The following REPS1 variants were observed in gnomAD, a reference collection of about 807,000 sequenced individuals.
REPS1 encodes RALBP1 associated Eps domain containing 1.
Under a neutral mutation model 100.9 loss-of-function variants are expected in REPS1, and 39 were observed. The ratio of observed to expected loss-of-function variants is 0.39; its 90% CI spans 0.30 to 0.50. The LOEUF is 0.50. Among genes scored for constraint, REPS1 ranks in the 20% least tolerant of loss-of-function variants. The pLI, the probability that REPS1 is intolerant of heterozygous loss-of-function variation, is 0.86. For missense variants in REPS1, 821 were observed against 968.5 expected (o/e 0.85, Z 2.02); for synonymous variants, 324 against 340.3 (o/e 0.95, Z 0.53).
At chr6:138,966,943 T>C (rs1050087773) in intron 1 of REPS1, among the ~76,000 whole-genome samples, 4 of 152,228 alleles carry the variant, frequency 2.6e-5, no homozygotes, top group Admixed American at 6.5e-5. Flanking sequence ...CCACAGGCTA[T>C]GGTTTGAAGT....
rs187476513 is a variant in REPS1 at position 138,949,576 on chromosome 6, G to C, written c.154-1663C>G. On this transcript the variant is annotated intron_variant, in intron 1 of 19. Transcript: ENST00000450536. ...ACCCATGTCTACTAAAAATACAAAA[G>C]TTAGCCAGGTGTGGTGGTGCGCACT... 1.8e-4 allele frequency among the ~76,000 whole-genome samples: 27 copies of C among 152,032 alleles called. No homozygotes were observed. In the East Asian group the frequency reaches 4.1e-3, roughly 23 times the overall value.
intron 7 of REPS1, among the ~76,000 whole-genome samples, chr6:138,942,899 C>T (rs1227028987): frequency 6.6e-6 from 1 of 152,002 alleles, no homozygotes; most frequent in Admixed American, 6.6e-5. Flanking sequence ...GGATTACAGG[C>T]ATGTGCCACC....
At chr6:138,983,845 A>T (rs921428115) in intron 1 of REPS1, among the ~76,000 whole-genome samples, 2 of 152,110 alleles carry the variant, frequency 1.3e-5, no homozygotes, top group Non-Finnish European at 2.9e-5. Flanking sequence ...GGGGTGGACA[A>T]ATCTCCACCC....
intron 8 of REPS1, among the ~76,000 whole-genome samples, chr6:138,936,621 T>TTG (rs1189609939): frequency 1.2e-5 from 1 of 84,688 alleles, no homozygotes; most frequent in Non-Finnish European, 2.3e-5. Flanking sequence ...CAGAGTATGT[T>TTG]TGGGGGGGGG....
intron 15 of REPS1, among the ~76,000 whole-genome samples, chr6:138,914,106 G>A (rs1214340305): frequency 2.0e-5 from 3 of 149,244 alleles, no homozygotes; most frequent in African/African-American, 7.7e-5. Context: ...GTCTCACTCT[G>A]TCATCCAGGC....
At chr6:138,926,880 A>G (rs182083880) in intron 9 of REPS1, 269 of 163,232 alleles carry the variant, frequency 1.6e-3, no homozygotes, top group Middle Eastern at 6.1e-3. Context: ...ATGTTAATGT[A>G]CTGATTTTGT....
In REPS1 at chr6:138,972,442, C is replaced by T. The variant is rs574010444; in HGVS notation, c.153+15088G>A. Among the ~76,000 whole-genome samples, 9 of 152,206 alleles carry T rather than the reference C, an allele frequency of 5.9e-5. No individual in the cohort carries two copies. In the South Asian group the frequency reaches 1.9e-3, roughly 32 times the overall value. On this transcript the variant is annotated intron_variant, in intron 1 of 19. Transcript: ENST00000450536. The stretch of plus-strand genomic sequence containing the variant: ...GTAGAAGCTTTTAAGGCTGATTACG[C>T]ATGACTAATCAGATTTGAAATGCTC...
intron 8 of REPS1, among the ~76,000 whole-genome samples, chr6:138,933,033 C>A (rs1461704383): frequency 6.6e-6 from 1 of 152,178 alleles, no homozygotes; most frequent in Admixed American, 6.5e-5. Context: ...ACTCAATGAA[C>A]TGATATTTTA....
chr6:138,927,801 C>CT (rs772817080), intron 9 of REPS1: 3 of 152,176 alleles, frequency 2.0e-5, no homozygotes, highest in African/African-American at 4.8e-5. Context: ...TTACTTTTAT[C>CT]ATGCGGCATC....
intron 14 of REPS1, 30 bp downstream of exon 14, chr6:138,915,828 T>C: frequency 7.2e-7 from 1 of 1,390,998 alleles, no homozygotes; most frequent in Non-Finnish European, 1.0e-6. Flanking sequence ...AATTAAATGA[T>C]AATGTATATT....
chr6:138,964,246 C>G (rs1427930273), intron 1 of REPS1, among the ~76,000 whole-genome samples: 1 of 151,890 alleles, frequency 6.6e-6, no homozygotes, highest in Non-Finnish European at 1.5e-5. Flanking sequence ...CTCCATTTTA[C>G]TTATCTATAA....
chr6:138,980,878 A>C (rs1023043340), intron 1 of REPS1, among the ~76,000 whole-genome samples: 1 of 152,124 alleles, frequency 6.6e-6, no homozygotes, highest in Non-Finnish European at 1.5e-5. Flanking sequence ...CGACATTGGC[A>C]CAAGTCAGAG....
chr6:138,984,052 A>C (rs1785105174), intron 1 of REPS1, among the ~76,000 whole-genome samples: 1 of 149,862 alleles, frequency 6.7e-6, no homozygotes, highest in Non-Finnish European at 1.5e-5. Context: ...GTTTACCTTC[A>C]TAATCTCTAC....
intron 1 of REPS1, among the ~76,000 whole-genome samples, chr6:138,982,961 A>G (rs1785037230): frequency 6.6e-6 from 1 of 152,208 alleles, no homozygotes; most frequent in South Asian, 2.1e-4. Context: ...TACGCAAAGG[A>G]GTAAGTTGAT....
In REPS1 at chr6:138,970,676, C is replaced by T. The variant is rs370224698; in HGVS notation, c.153+16854G>A. ...GTGCACACCTGTAGTCCCAGCTACT[C>T]GGGAGGCTGAGGTGGGAGGATCGCT... is the stretch of plus-strand genomic sequence containing the variant. On this transcript the variant is annotated intron_variant, in intron 1 of 19. Transcript: ENST00000450536. Among the ~76,000 whole-genome samples the T allele has an allele frequency of 5.3e-5, 8 of 152,118 alleles. No homozygotes were observed. In the South Asian group the frequency reaches 1.7e-3, roughly 32 times the overall value.
At chr6:138,934,354 T>G in intron 8 of REPS1, 1 of 470,418 alleles carries the variant, frequency 2.1e-6, no homozygotes, top group South Asian at 1.6e-5. Flanking sequence ...GAGCCTAAAT[T>G]ATTCGTTAAA....
At chr6:138,938,804 A>G (rs1782037853) in intron 8 of REPS1, among the ~76,000 whole-genome samples, 1 of 151,946 alleles carries the variant, frequency 6.6e-6, no homozygotes, top group African/African-American at 2.4e-5. Flanking sequence ...CTATTTGAGT[A>G]TTATCCTCTT....
At chr6:138,928,858 C>G (rs1183580813) in intron 9 of REPS1, 2 of 152,136 alleles carry the variant, frequency 1.3e-5, no homozygotes, top group Non-Finnish European at 2.9e-5. Context: ...GGTGTAATCC[C>G]TTCATCTAGA....
At chr6:138,907,161 G>C (rs1779704805) in intron 19 of REPS1, among the ~76,000 whole-genome samples, 1 of 152,076 alleles carries the variant, frequency 6.6e-6, no homozygotes, top group South Asian at 2.1e-4. Flanking sequence ...TGGAATCTGA[G>C]TTGTCTTTGA....
Sources: allele counts gnomAD v4.1 joint callset (sites outside exome capture counted in the v4.1 genomes callset), GRCh38; gene constraint gnomAD v4.1.1; transcripts MANE v1.5; gene names NCBI Gene and HGNC (gene_info 2026-07-23, HGNC 2026-07-21).